Variants in HCN1 observed in about 807,000 individuals in gnomAD.
HCN1 encodes the protein hyperpolarization activated cyclic nucleotide gated potassium channel 1.
A neutral mutation model predicts 78.9 loss-of-function variants in HCN1; 13 were observed. That is an observed-to-expected ratio of 0.16 (90% CI 0.11 to 0.26). The LOEUF is 0.26. HCN1 is among the 10% of genes least tolerant of loss of function. The probability of loss-of-function intolerance (pLI) is 1.00; values close to 1 mark genes in which losing one functional copy is unlikely to be tolerated. For synonymous variants in HCN1, 552 were observed against 455.5 expected, an observed-to-expected ratio of 1.21 and a Z score of -2.70; for missense variants, 810 against 1,154.3, an observed-to-expected ratio of 0.70 and a Z score of 4.32.
At chr5:45,327,198 G>T (rs1746253019) in intron 5 of HCN1, among the ~76,000 whole-genome samples, 1 of 151,502 alleles carries the variant, frequency 6.6e-6, no homozygotes, top group South Asian at 2.1e-4. Context: ...TCTATTTGAG[G>T]TGATAAAAAA....
chr5:45,661,064 C>A (rs1745925441), intron 1 of HCN1, among the ~76,000 whole-genome samples: 1 of 139,626 alleles, frequency 7.2e-6, no homozygotes. Context: ...GTAAAGCTCT[C>A]CTCAGCAAAT....
At chr5:45,264,385 C>A (rs1744812312) in intron 7 of HCN1, among the ~76,000 whole-genome samples, 1 of 152,120 alleles carries the variant, frequency 6.6e-6, no homozygotes, top group South Asian at 2.1e-4. Flanking sequence ...TTTTCTATGG[C>A]ATCATTGATA....
chr5:45,354,525 A>T (rs562500718), intron 4 of HCN1, among the ~76,000 whole-genome samples: 34 of 152,178 alleles, frequency 2.2e-4, no homozygotes, highest in African/African-American at 7.9e-4. Flanking sequence ...TTTGCCCATA[A>T]TTATTGTAAT....
chr5:45,573,924 A>C (rs903104714), intron 2 of HCN1, among the ~76,000 whole-genome samples: 10 of 152,118 alleles, frequency 6.6e-5, no homozygotes, highest in Non-Finnish European at 1.0e-4. Context: ...AATACACTGA[A>C]TTTGCCCTTA....
chr5:45,325,638 T>C (rs1402437361), intron 5 of HCN1, among the ~76,000 whole-genome samples: 1 of 151,660 alleles, frequency 6.6e-6, no homozygotes, highest in African/African-American at 2.4e-5. Context: ...AATCTGGTGG[T>C]TTGTCTTCTA....
At chr5:45,449,141 A>G (rs991526218) in intron 3 of HCN1, among the ~76,000 whole-genome samples, 1 of 152,114 alleles carries the variant, frequency 6.6e-6, no homozygotes, top group African/African-American at 2.4e-5. Flanking sequence ...ATATATAAGC[A>G]CCTTTATTTA....
intron 5 of HCN1, among the ~76,000 whole-genome samples, chr5:45,322,655 T>A (rs1746147192): frequency 6.6e-6 from 1 of 151,850 alleles, no homozygotes; most frequent in South Asian, 2.1e-4. Context: ...GTAGATGAAA[T>A]AAACTTTTGA....
At chr5:45,447,710 G>T (rs1024983373) in intron 3 of HCN1, among the ~76,000 whole-genome samples, 11 of 152,086 alleles carry the variant, frequency 7.2e-5, no homozygotes, top group Admixed American at 3.3e-4. Flanking sequence ...CAGTTCTATA[G>T]TGTGTTAGTC....
intron 2 of HCN1, among the ~76,000 whole-genome samples, chr5:45,564,671 A>G (rs1743672426): frequency 1.3e-5 from 2 of 152,218 alleles, no homozygotes; most frequent in South Asian, 4.1e-4. Flanking sequence ...TACTCCTATT[A>G]TCTTCATTTC....
chr5:45,449,937 A>T (rs1250107312), intron 3 of HCN1, among the ~76,000 whole-genome samples: 1 of 152,026 alleles, frequency 6.6e-6, no homozygotes, highest in Admixed American at 6.5e-5. Context: ...GGTTCACGCC[A>T]TTCTCCCGCC....
chr5:45,566,492 C>T (rs1236300274), intron 2 of HCN1, among the ~76,000 whole-genome samples: 2 of 152,020 alleles, frequency 1.3e-5, no homozygotes, highest in Non-Finnish European at 2.9e-5. Flanking sequence ...AATTTTGCAT[C>T]ATTTAATGCC....
chr5:45,447,561 T>A (rs1740825499), intron 3 of HCN1, among the ~76,000 whole-genome samples: 2 of 152,212 alleles, frequency 1.3e-5, no homozygotes, highest in South Asian at 2.1e-4. Context: ...ATTAATATGT[T>A]GAAAATAACT....
At chr5:45,637,682 G>GA (rs1745380163) in intron 2 of HCN1, among the ~76,000 whole-genome samples, 1 of 151,702 alleles carries the variant, frequency 6.6e-6, no homozygotes, top group South Asian at 2.1e-4. Flanking sequence ...CTGTTGAAAG[G>GA]AAAAAAGTTC....
chr5:45,605,655 G>C (rs1355562311), intron 2 of HCN1, among the ~76,000 whole-genome samples: 1 of 152,058 alleles, frequency 6.6e-6, no homozygotes, highest in African/African-American at 2.4e-5. Flanking sequence ...GAGACTGGAA[G>C]AATGTAGATA....
intron 5 of HCN1, among the ~76,000 whole-genome samples, chr5:45,324,190 A>G (rs1024888687): frequency 6.6e-6 from 1 of 151,956 alleles, no homozygotes; most frequent in Middle Eastern, 3.2e-3. Context: ...CTGCACAGCA[A>G]AAGAAACCAC....
At chr5:45,348,289 TA>T (rs1746795192) in intron 5 of HCN1, among the ~76,000 whole-genome samples, 1 of 151,992 alleles carries the variant, frequency 6.6e-6, no homozygotes, top group Non-Finnish European at 1.5e-5. Context: ...GAAGGAGAAA[TA>T]AAATACTTTA....
At chr5:45,318,182 T>C (rs1340763268) in intron 5 of HCN1, among the ~76,000 whole-genome samples, 5 of 152,134 alleles carry the variant, frequency 3.3e-5, no homozygotes, top group Admixed American at 6.5e-5. Flanking sequence ...CCATCAATGA[T>C]AGACTGGATT....
At chr5:45,641,389 G>A (rs1335835688) in intron 2 of HCN1, among the ~76,000 whole-genome samples, 1 of 151,964 alleles carries the variant, frequency 6.6e-6, no homozygotes. Context: ...ATCTAATATT[G>A]GTTTCAAGAC....
intron 1 of HCN1, among the ~76,000 whole-genome samples, chr5:45,646,531 C>A (rs1483989407): frequency 6.6e-6 from 1 of 151,140 alleles, no homozygotes; most frequent in African/African-American, 2.4e-5. Context: ...GCCACCATGC[C>A]CAGCTAAAAA....
Sources: allele counts gnomAD v4.1 joint callset (sites outside exome capture counted in the v4.1 genomes callset), GRCh38; gene constraint gnomAD v4.1.1; transcripts MANE v1.5; gene names NCBI Gene and HGNC (gene_info 2026-07-23, HGNC 2026-07-21).